Variants in SGCZ observed in about 807,000 individuals in gnomAD.
SGCZ encodes the protein sarcoglycan zeta.
Under a neutral mutation model 41.3 loss-of-function variants are expected in SGCZ, and 40 were observed. The observed-to-expected ratio is 0.97, with a 90% CI of 0.75 to 1.26. The LOEUF (loss-of-function observed/expected upper bound fraction) is 1.26. Among genes scored for constraint, SGCZ ranks in the 50% most tolerant of loss-of-function variants. The pLI, the probability that SGCZ is intolerant of heterozygous loss-of-function variation, is 0.00. For missense variants in SGCZ, 552 were observed against 369.8 expected, an observed-to-expected ratio of 1.49 and a Z score of -4.04; for synonymous variants, 206 against 137.5, an observed-to-expected ratio of 1.50 and a Z score of -3.49.
chr8:15,199,420 T>G (rs1316952541), intron 1 of SGCZ, among the ~76,000 whole-genome samples: 1 of 152,236 alleles, frequency 6.6e-6, no homozygotes, highest in African/African-American at 2.4e-5. Context: ...TTTAATGTTT[T>G]AAATTTGTGT....
At chr8:14,191,545 T>C (rs956988260) in intron 4 of SGCZ, among the ~76,000 whole-genome samples, 3 of 152,192 alleles carry the variant, frequency 2.0e-5, no homozygotes, top group African/African-American at 7.2e-5. Flanking sequence ...TATTCTTTGG[T>C]ATGTATCATT....
At chr8:14,189,292 G>A (rs1266282098) in intron 4 of SGCZ, among the ~76,000 whole-genome samples, 1 of 152,076 alleles carries the variant, frequency 6.6e-6, no homozygotes, top group South Asian at 2.1e-4. Context: ...AGAAGCCAGA[G>A]TCATATATTT....
At chr8:14,192,897 T>C (rs1187032316) in intron 4 of SGCZ, among the ~76,000 whole-genome samples, 4 of 152,030 alleles carry the variant, frequency 2.6e-5, no homozygotes, top group Non-Finnish European at 5.9e-5. Context: ...CTATACTTTA[T>C]ACATTATATG....
chr8:14,367,458 T>C (rs1448986159), intron 2 of SGCZ, among the ~76,000 whole-genome samples: 1 of 152,064 alleles, frequency 6.6e-6, no homozygotes, highest in East Asian at 1.9e-4. Context: ...GTAGTACCAA[T>C]TTACTTTATC....
Position 15,173,959 on chromosome 8 carries a change from C to T in SGCZ, c.39+63626G>A, listed in dbSNP as rs542559679. On this transcript the variant is annotated intron_variant, in intron 1 of 7. Coordinates refer to ENST00000382080, the MANE Select transcript of SGCZ (RefSeq NM_139167.4). Reference sequence around the variant, plus strand: ...CTGGTCGCAAACTCCTGGGCTCAAGCAATCCTTCCACTTCAGCCTCCCAAC... The same window carrying T: ...CTGGTCGCAAACTCCTGGGCTCAAGTAATCCTTCCACTTCAGCCTCCCAAC... Among the ~76,000 whole-genome samples the T allele has an allele frequency of 1.1e-4, 16 of 152,248 alleles. No individual in the cohort carries two copies. The South Asian group carries it at 3.1e-3, about 30-fold the overall frequency.
intron 1 of SGCZ, among the ~76,000 whole-genome samples, chr8:14,824,948 C>T (rs1235209661): frequency 6.6e-6 from 1 of 152,066 alleles, no homozygotes; most frequent in Non-Finnish European, 1.5e-5. Flanking sequence ...GAGCCTCAGA[C>T]TCTGGTAGAC....
At chr8:15,030,853 C>T (rs977717794) in intron 1 of SGCZ, among the ~76,000 whole-genome samples, 40 of 152,116 alleles carry the variant, frequency 2.6e-4, no homozygotes, top group African/African-American at 9.6e-4. Context: ...TGAGGCAAAG[C>T]TAAAGAGAGT....
At chr8:14,243,422 C>T (rs1365260019) in intron 3 of SGCZ, among the ~76,000 whole-genome samples, 1 of 152,142 alleles carries the variant, frequency 6.6e-6, no homozygotes, top group Non-Finnish European at 1.5e-5. Context: ...ATCGCAATAA[C>T]CACTCGATTT....
chr8:15,050,997 C>A (rs531550470), intron 1 of SGCZ, among the ~76,000 whole-genome samples: 2 of 152,270 alleles, frequency 1.3e-5, no homozygotes, highest in African/African-American at 4.8e-5. Flanking sequence ...AGAAACATCA[C>A]ATATTTGTAG....
intron 1 of SGCZ, among the ~76,000 whole-genome samples, chr8:14,982,205 C>T (rs1166193317): frequency 6.6e-6 from 1 of 151,492 alleles, no homozygotes; most frequent in African/African-American, 2.4e-5. Context: ...ACAATTAAGA[C>T]TGAAATGGAT....
At chr8:15,063,818 T>G (rs1417249732) in intron 1 of SGCZ, among the ~76,000 whole-genome samples, 1 of 152,192 alleles carries the variant, frequency 6.6e-6, no homozygotes, top group East Asian at 1.9e-4. Flanking sequence ...ACTTTTAAAA[T>G]TTAACTTACT....
chr8:14,566,722 G>T (rs561788994), intron 1 of SGCZ, among the ~76,000 whole-genome samples: 1 of 152,248 alleles, frequency 6.6e-6, no homozygotes, highest in South Asian at 2.1e-4. Flanking sequence ...CACTCTGGCC[G>T]TACTTGAGGA....
intron 1 of SGCZ, among the ~76,000 whole-genome samples, chr8:15,050,902 A>G (rs1804487793): frequency 6.6e-6 from 1 of 151,992 alleles, no homozygotes; most frequent in African/African-American, 2.4e-5. Flanking sequence ...GCACCACAAC[A>G]TTTTCTTTTT....
chr8:14,342,236 G>C lies in SGCZ; in HGVS notation c.235-18032C>G, dbSNP rs535487566. On this transcript the variant is annotated intron_variant, in intron 2 of 7. Coordinates refer to ENST00000382080, the MANE Select transcript of SGCZ (RefSeq NM_139167.4). Reference sequence around the variant, plus strand: ...CTTGTTACGTTTTAGCAAAGGGATTGGCAGCATTTTGCTCCTGCCCTAGAG... The same window carrying C: ...CTTGTTACGTTTTAGCAAAGGGATTCGCAGCATTTTGCTCCTGCCCTAGAG... Among the ~76,000 whole-genome samples, 3 of 152,310 alleles carry C rather than the reference G, an allele frequency of 2.0e-5. No individual in the cohort carries two copies. The East Asian group carries it at 5.8e-4, about 29-fold the overall frequency.
intron 3 of SGCZ, among the ~76,000 whole-genome samples, chr8:14,240,281 T>C (rs1245438020): frequency 7.0e-6 from 1 of 142,914 alleles, no homozygotes; most frequent in East Asian, 2.0e-4. Flanking sequence ...TGAGCCCAGA[T>C]TGCACCACTG....
intron 1 of SGCZ, among the ~76,000 whole-genome samples, chr8:14,801,977 C>T (rs1294528866): frequency 6.6e-6 from 1 of 152,172 alleles, no homozygotes; most frequent in Non-Finnish European, 1.5e-5. Flanking sequence ...TCTAGCAAAG[C>T]TCAGTCCTGG....
chr8:15,099,469 A>C (rs1806518580), intron 1 of SGCZ, among the ~76,000 whole-genome samples: 1 of 152,188 alleles, frequency 6.6e-6, no homozygotes, highest in Non-Finnish European at 1.5e-5. Context: ...ATCAAATAAT[A>C]GCTTCCCCAA....
At chr8:14,827,732 T>G (rs1385246763) in intron 1 of SGCZ, among the ~76,000 whole-genome samples, 1 of 152,190 alleles carries the variant, frequency 6.6e-6, no homozygotes, top group African/African-American at 2.4e-5. Context: ...TCAACTCTAA[T>G]GCAATGACAG....
chr8:14,482,436 C>T (rs1023623995), intron 2 of SGCZ, among the ~76,000 whole-genome samples: 4 of 152,156 alleles, frequency 2.6e-5, no homozygotes, highest in Non-Finnish European at 5.9e-5. Context: ...ACACTTGTGC[C>T]TGATTTTTCC....
Sources: gnomAD v4.1 joint callset for allele counts (sites outside exome capture counted in the v4.1 genomes callset) on GRCh38, gnomAD v4.1.1 for gene constraint, MANE v1.5 for transcripts, NCBI Gene and HGNC (gene_info 2026-07-23, HGNC 2026-07-21) for gene names.